Variants in CDK19 observed in about 807,000 individuals in gnomAD.
The protein encoded by CDK19 is cyclin-dependent kinase 19.
A neutral mutation model predicts 68.3 loss-of-function variants in CDK19; 20 were observed. That is an observed-to-expected ratio of 0.29 (90% confidence interval 0.21 to 0.43). The LOEUF (loss-of-function observed/expected upper bound fraction) is 0.43, where lower values mean the gene tolerates loss of function less well. Among genes scored for constraint, CDK19 ranks in the 20% least tolerant of loss-of-function variants. The probability of loss-of-function intolerance (pLI) is 1.00; values close to 1 mark genes in which losing one functional copy is unlikely to be tolerated. For synonymous variants in CDK19, 221 were observed against 222.8 expected, an observed-to-expected ratio of 0.99 and a Z score of 0.07; for missense variants, 339 against 623.5, an observed-to-expected ratio of 0.54 and a Z score of 4.86.
chr6:110,718,982 C>T (rs1184659524), intron 2 of CDK19, among the ~76,000 whole-genome samples: 8 of 152,114 alleles, frequency 5.3e-5, no homozygotes, highest in African/African-American at 1.9e-4. Flanking sequence ...CCTTGTACTA[C>T]TCTGGCAGAA....
Position 110,621,195 on chromosome 6 carries a change from G to A in CDK19, c.1286C>T (p.Ser429Phe). ...GTTTGGAGGCACCTGGTTCAGGCTG[G>A]AGTCCTGGCTGTGCTGCAACCCTGC... The part of the protein sequence containing the change: ...TGAGLQHSQD[S>F]SLNQVPPNKK... Residue 429 changes from serine (S) to phenylalanine (F), a missense_variant, in exon 12 of 13, where the codon TCC becomes TTC. Ser to Phe is a radical substitution (Grantham distance 155). Around this residue, in one of 4 missense-constraint regions of CDK19, gnomAD observed 155 missense variants for 222.7 expected, o/e 0.70. Coordinates refer to ENST00000368911, the MANE Select transcript of CDK19 (RefSeq NM_015076.5). This position sits in a 1 kb window ranked among gnomAD's most constrained non-coding sequence, Gnocchi z 5.4. 6.2e-7 allele frequency: 1 copy of A among 1,614,066 alleles called. No individual in the cohort carries two copies. Among genetic ancestry groups the A allele is most frequent in the Non-Finnish European group, 8.5e-7 (1 of 1,180,040 alleles).
intron 2 of CDK19, among the ~76,000 whole-genome samples, chr6:110,713,422 ACT>A (rs1435974750): frequency 1.6e-5 from 2 of 124,632 alleles, no homozygotes; most frequent in Non-Finnish European, 3.2e-5. Context: ...ACAGAGAGAG[ACT>A]CTGTCTCAAA....
chr6:110,805,315 T>G (rs1379384261), intron 1 of CDK19, among the ~76,000 whole-genome samples: 1 of 152,164 alleles, frequency 6.6e-6, no homozygotes, highest in African/African-American at 2.4e-5. Flanking sequence ...CCACTAATAT[T>G]ATATAGTCAC....
chr6:110,734,417 A>T (rs1777023787), intron 2 of CDK19, among the ~76,000 whole-genome samples: 1 of 152,060 alleles, frequency 6.6e-6, no homozygotes, highest in Admixed American at 6.6e-5. Flanking sequence ...ACACAACAAA[A>T]ATTTACACAT....
intron 2 of CDK19, among the ~76,000 whole-genome samples, chr6:110,682,731 C>A (rs1772123908): frequency 6.6e-6 from 1 of 152,316 alleles, no homozygotes; most frequent in East Asian, 1.9e-4. Flanking sequence ...GTTTTAGAAT[C>A]AGAGGCTGAG....
chr6:110,694,026 C>T (rs1773261446), intron 2 of CDK19, among the ~76,000 whole-genome samples: 1 of 151,158 alleles, frequency 6.6e-6, no homozygotes, highest in Admixed American at 6.6e-5. Flanking sequence ...CAAAATAGAA[C>T]CTCCTCATAG....
At chr6:110,723,167 G>C (rs1020856833) in intron 2 of CDK19, among the ~76,000 whole-genome samples, 2 of 137,820 alleles carry the variant, frequency 1.5e-5, no homozygotes, top group East Asian at 4.2e-4. Context: ...AAAAAACGCA[G>C]ATTTGTCCTT....
intron 4 of CDK19, chr6:110,646,172 C>A: frequency 4.4e-6 from 5 of 1,143,166 alleles, no homozygotes; most frequent in South Asian, 2.9e-5. Context: ...GCGCCACCGG[C>A]CACCAGAGCC....
In CDK19 at chr6:110,670,434, C is replaced by T. The variant is rs375873965; in HGVS notation, c.312G>A (p.Leu104=). 1.7e-5 allele frequency: 26 copies of T among 1,560,334 alleles called. No homozygotes were observed. The African/African-American group carries it at 2.6e-4, about 15-fold the overall frequency. ...AATACAGTGAGATTATACTTACCCA[C>T]AAGTCATGCTCTGCATAATCAAACA... ...WLLFDYAEHD[L]WHIIKFHRAS... The change falls in exon 3 of 13, where the codon TTG becomes TTA. Residue 104 remains leucine, a synonymous_variant. Coordinates refer to ENST00000368911, the MANE Select transcript of CDK19 (RefSeq NM_015076.5).
intron 1 of CDK19, among the ~76,000 whole-genome samples, chr6:110,769,574 AAAAAATAAT>A (rs973003373): frequency 2.7e-5 from 4 of 146,494 alleles, no homozygotes; most frequent in African/African-American, 1.1e-4. Context: ...CAAAAAAAAA[AAAAAATAAT>A]AATAATAATA....
chr6:110,664,988 T>C (rs571560934), intron 4 of CDK19, among the ~76,000 whole-genome samples: 108 of 152,312 alleles, frequency 7.1e-4, no homozygotes, highest in African/African-American at 2.6e-3. Context: ...AATAGTTCAG[T>C]AGTAAAGTAT....
intron 8 of CDK19, among the ~76,000 whole-genome samples, chr6:110,624,409 TA>T (rs1444046301): frequency 4.6e-5 from 7 of 152,242 alleles, no homozygotes; most frequent in South Asian, 4.1e-4. Context: ...TTAAAAGGTC[TA>T]AAAATAGGTA....
At chr6:110,766,071 A>C (rs9487514) in intron 1 of CDK19, among the ~76,000 whole-genome samples, 1 of 152,156 alleles carries the variant, frequency 6.6e-6, no homozygotes, top group Non-Finnish European at 1.5e-5. Flanking sequence ...TAGAAATACC[A>C]TATGATCCAG....
chr6:110,812,933 T>A (rs1239238921), intron 1 of CDK19, among the ~76,000 whole-genome samples: 2 of 152,096 alleles, frequency 1.3e-5, no homozygotes, highest in African/African-American at 2.4e-5. Context: ...CGTGGGTGTT[T>A]ACTGTAAAGT....
chr6:110,798,628 G>GA (rs59236293), intron 1 of CDK19, among the ~76,000 whole-genome samples: 277 of 56,690 alleles, frequency 4.9e-3, no homozygotes, highest in East Asian at 0.018. Flanking sequence ...TCTGTCTCCA[G>GA]AAAAAAAAAA....
chr6:110,716,506 A>G (rs976169490), intron 2 of CDK19, among the ~76,000 whole-genome samples: 12 of 152,188 alleles, frequency 7.9e-5, no homozygotes, highest in Non-Finnish European at 1.3e-4. Context: ...AGGACTCGGA[A>G]ACCACACTTT....
At chr6:110,702,953 A>G (rs917075726) in intron 2 of CDK19, among the ~76,000 whole-genome samples, 1 of 152,192 alleles carries the variant, frequency 6.6e-6, no homozygotes, top group African/African-American at 2.4e-5. Flanking sequence ...AATTCTTATT[A>G]TGCATATATT....
intron 2 of CDK19, among the ~76,000 whole-genome samples, chr6:110,740,293 C>G (rs1386032202): frequency 6.6e-6 from 1 of 152,138 alleles, no homozygotes; most frequent in Admixed American, 6.5e-5. Flanking sequence ...CTTAAGATCA[C>G]AGAGGCCACA....
At chr6:110,654,696 A>G (rs572012270) in intron 4 of CDK19, among the ~76,000 whole-genome samples, 14 of 152,126 alleles carry the variant, frequency 9.2e-5, no homozygotes, top group Non-Finnish European at 1.9e-4. Context: ...ATCCCAGAAC[A>G]TTGGGAGGCC....
Sources: gnomAD v4.1 joint callset for allele counts (sites outside exome capture counted in the v4.1 genomes callset) on GRCh38, gnomAD v4.1.1 for gene constraint, gnomAD v4.1.1 regional missense constraint, Gnocchi (gnomAD v3.1) non-coding constraint, MANE v1.5 for transcripts, NCBI Gene and HGNC (gene_info 2026-07-23, HGNC 2026-07-21) for gene names.